Variants in ATG5 observed in about 807,000 individuals in gnomAD.
ATG5 encodes the protein autophagy related 5.
Under a neutral mutation model 36.5 loss-of-function variants are expected in ATG5, and 14 were observed. The observed-to-expected ratio is 0.38, with a 90% confidence interval of 0.25 to 0.60. The LOEUF (loss-of-function observed/expected upper bound fraction) is 0.60. ATG5 is among the 20% of genes least tolerant of loss of function. The pLI, the probability that ATG5 is intolerant of heterozygous loss-of-function variation, is 0.60. For missense variants in ATG5, 195 were observed against 326.7 expected, an observed-to-expected ratio of 0.60 and a Z score of 3.11; for synonymous variants, 95 against 101.5, an observed-to-expected ratio of 0.94 and a Z score of 0.38.
At chr6:106,301,729 T>C (rs1582674305) in intron 3 of ATG5, among the ~76,000 whole-genome samples, 1 of 152,198 alleles carries the variant, frequency 6.6e-6, no homozygotes, top group Non-Finnish European at 1.5e-5. Context: ...TGGAATACTG[T>C]AAGTATATAA....
chr6:106,306,258 A>G (rs1348039680), intron 3 of ATG5, among the ~76,000 whole-genome samples: 6 of 152,228 alleles, frequency 3.9e-5, no homozygotes, highest in Non-Finnish European at 7.3e-5. Context: ...TCCAAACACT[A>G]TTTACCCATA....
At chr6:106,268,134 TCAGA>T in intron 5 of ATG5, among the ~76,000 whole-genome samples, 1 of 152,170 alleles carries the variant, frequency 6.6e-6, no homozygotes, top group African/African-American at 2.4e-5. Flanking sequence ...AATCTACCTA[TCAGA>T]CAAAGGTCTA....
intron 7 of ATG5, among the ~76,000 whole-genome samples, chr6:106,187,637 A>G (rs906364650): frequency 6.6e-6 from 1 of 152,212 alleles, no homozygotes; most frequent in African/African-American, 2.4e-5. Flanking sequence ...ACAAGGAAAC[A>G]GGGAATCAAG....
At chr6:106,323,316 AT>A (rs1771170130) in intron 1 of ATG5, among the ~76,000 whole-genome samples, 1 of 118,694 alleles carries the variant, frequency 8.4e-6, no homozygotes, top group Non-Finnish European at 1.6e-5. Context: ...GTCACCCAGG[AT>A]GGACTACAGT....
intron 6 of ATG5, among the ~76,000 whole-genome samples, chr6:106,247,598 AC>A (rs1778394173): frequency 6.6e-6 from 1 of 152,220 alleles, no homozygotes; most frequent in Non-Finnish European, 1.5e-5. Flanking sequence ...GCCCTCGGTC[AC>A]AACATGTTCA....
At chr6:106,216,234 A>G (rs957673357) in intron 6 of ATG5, among the ~76,000 whole-genome samples, 9 of 150,564 alleles carry the variant, frequency 6.0e-5, no homozygotes, top group African/African-American at 2.3e-4. Flanking sequence ...CAACCCAGCA[A>G]TTCTACTCCT....
chr6:106,246,961 C>A (rs947654680), intron 6 of ATG5, among the ~76,000 whole-genome samples: 1 of 152,142 alleles, frequency 6.6e-6, no homozygotes, highest in Non-Finnish European at 1.5e-5. Context: ...TAACAATAAC[C>A]CCGCCTTCAT....
rs1935350549 is a variant in ATG5, at chr6:106,305,565, G to GAGTT, written c.236+2795_236+2798dup. On this transcript the variant is annotated intron_variant, in intron 3 of 7. Transcript: ENST00000369076. ...TTCTGTTCTTTCTTCCCTCACTTAT[G>GAGTT]AGTTGTCTCAACTGGCGACTAATTT... Among the ~76,000 whole-genome samples, 3 of 152,186 alleles carry GAGTT rather than the reference G, an allele frequency of 2.0e-5. No individual in the cohort carries two copies. In the South Asian group the frequency reaches 6.2e-4, roughly 31 times the overall value.
chr6:106,260,367 T>C (rs1344411897), intron 5 of ATG5, among the ~76,000 whole-genome samples: 1 of 152,258 alleles, frequency 6.6e-6, no homozygotes, highest in Non-Finnish European at 1.5e-5. Flanking sequence ...TTTGAAATGC[T>C]GTTTGGGATA....
chr6:106,282,945 C>T (rs1779936946), intron 4 of ATG5, among the ~76,000 whole-genome samples: 1 of 152,118 alleles, frequency 6.6e-6, no homozygotes, highest in Non-Finnish European at 1.5e-5. Flanking sequence ...CACCACCACA[C>T]TCAGCTAATT....
rs559039840 is a variant in ATG5 at position 106,188,596 on chromosome 6, C to T, written c.692-1920G>A. Among the ~76,000 whole-genome samples the T allele has an allele frequency of 9.1e-4, 139 of 152,280 alleles. 2 individuals are homozygous for T. The South Asian group carries it at 0.019, about 21-fold the overall frequency. Reference sequence around the variant, plus strand: ...GTGTATCTGAAAGGCAAAAGACCAACCATGTTACAAAAGGATTGCTGGAGT... The same window carrying T: ...GTGTATCTGAAAGGCAAAAGACCAATCATGTTACAAAAGGATTGCTGGAGT... On this transcript the variant is annotated intron_variant, in intron 7 of 7. Coordinates refer to ENST00000369076, the MANE Select transcript of ATG5 (RefSeq NM_004849.4).
At chr6:106,252,754 T>G (rs1051050445) in intron 5 of ATG5, among the ~76,000 whole-genome samples, 1 of 152,246 alleles carries the variant, frequency 6.6e-6, no homozygotes, top group Non-Finnish European at 1.5e-5. Flanking sequence ...AGGACCCTCA[T>G]GCAGGAAACC....
intron 5 of ATG5, among the ~76,000 whole-genome samples, chr6:106,263,876 T>C (rs1339224398): frequency 8.6e-6 from 1 of 115,968 alleles, no homozygotes; most frequent in Non-Finnish European, 1.8e-5. Context: ...TCCACAAAGA[T>C]GGAAAAAAAA....
chr6:106,243,735 G>A (rs1265051911), intron 6 of ATG5, among the ~76,000 whole-genome samples: 1 of 151,826 alleles, frequency 6.6e-6, no homozygotes, highest in Non-Finnish European at 1.5e-5. Context: ...GGAGGCTGAG[G>A]CAGGAAAATC....
rs1015788248 is a variant in ATG5 at position 106,185,881 on chromosome 6, G to A, written c.*659C>T. The A allele has an allele frequency of 6.5e-6, 1 of 152,766 alleles. No individual in the cohort carries two copies. The highest frequency in any genetic ancestry group is 1.5e-5 in the Non-Finnish European group (1 of 68,072). 9.5% of individuals were successfully genotyped at this position (152,766 alleles called of 1,614,324 possible). A position where few individuals can be genotyped will look rare whatever the true frequency, so the allele number is the denominator to read the frequency against. On this transcript the variant is annotated 3_prime_UTR_variant, in exon 8 of 8. Coordinates refer to ENST00000369076, the MANE Select transcript of ATG5 (RefSeq NM_004849.4). ...GTAAAAAGTGATCTACTGTATGTGAGTCAGAAAGTACTTGAAAAGTGACAA... is the reference window on the plus strand; with the variant it reads ...GTAAAAAGTGATCTACTGTATGTGAATCAGAAAGTACTTGAAAAGTGACAA...
intron 6 of ATG5, among the ~76,000 whole-genome samples, chr6:106,211,943 T>C (rs1776868085): frequency 6.6e-6 from 1 of 152,240 alleles, no homozygotes; most frequent in Admixed American, 6.5e-5. Flanking sequence ...ACTACATTTA[T>C]AAGTAAAATT....
At chr6:106,208,699 G>T (rs190889396) in intron 6 of ATG5, among the ~76,000 whole-genome samples, 1 of 152,188 alleles carries the variant, frequency 6.6e-6, no homozygotes, top group Non-Finnish European at 1.5e-5. Context: ...CTAAGCTTTT[G>T]TTCTGCAAAA....
chr6:106,258,206 CA>C (rs1327161593), intron 5 of ATG5, among the ~76,000 whole-genome samples: 151 of 112,114 alleles, frequency 1.3e-3, no homozygotes, highest in East Asian at 0.01. Flanking sequence ...CCGTCTCTAA[CA>C]AAAAAAAAAA....
At chr6:106,198,010 CTCT>C (rs1776270201) in intron 7 of ATG5, among the ~76,000 whole-genome samples, 1 of 152,102 alleles carries the variant, frequency 6.6e-6, no homozygotes, top group African/African-American at 2.4e-5. Context: ...AACGATTAAC[CTCT>C]TCATTACACT....
Sources: allele counts gnomAD v4.1 joint callset (sites outside exome capture counted in the v4.1 genomes callset), GRCh38; gene constraint gnomAD v4.1.1; transcripts MANE v1.5; gene names NCBI Gene and HGNC (gene_info 2026-07-23, HGNC 2026-07-21).